The following ZNF404 variants were observed in gnomAD, a reference collection of about 807,000 sequenced individuals.
The protein encoded by ZNF404 is zinc finger protein 404.
In ZNF404, 7 loss-of-function variants were observed where a neutral mutation model predicts 7.3. The observed-to-expected ratio is 0.95, with a 90% CI of 0.54 to 1.79. The LOEUF (loss-of-function observed/expected upper bound fraction) is 1.79, where lower values mean the gene tolerates loss of function less well. Among genes scored for constraint, ZNF404 ranks in the 40% most tolerant of loss-of-function variants. The pLI, the probability that ZNF404 is intolerant of heterozygous loss-of-function variation, is 0.00. For synonymous variants in ZNF404, 191 were observed against 209.9 expected, an observed-to-expected ratio of 0.91 and a Z score of 0.78; for missense variants, 560 against 661.5, an observed-to-expected ratio of 0.85 and a Z score of 1.68.
intron 1 of ZNF404, among the ~76,000 whole-genome samples, chr19:43,883,080 G>A (rs1243835723): frequency 6.6e-6 from 1 of 151,802 alleles, no homozygotes; most frequent in Non-Finnish European, 1.5e-5. Context: ...TATCCTGGGT[G>A]ACAGAGTGAG....
chr19:43,875,238 A>G (rs983023927), intron 2 of ZNF404, among the ~76,000 whole-genome samples: 25 of 152,090 alleles, frequency 1.6e-4, no homozygotes, highest in African/African-American at 6.0e-4. Flanking sequence ...TTCTGTTTCT[A>G]TCTCAATCAA....
In ZNF404 at chr19:43,872,774, T is replaced by C. The variant is rs1971820648; in HGVS notation, c.1440A>G (p.Ser480=). The C allele has an allele frequency of 6.2e-7, 1 of 1,612,028 alleles. No individual in the cohort carries two copies. The highest frequency in any genetic ancestry group is 2.2e-5 in the East Asian group (1 of 44,844). ...KECKKAFRSI[S]GLSQHKRIHT... is the part of the protein sequence containing the mutation. Reference sequence around the variant, plus strand: ...GAATTCTCTTATGTTGAGAAAGACCTGAGATAGAACGAAAGGCCTTCTTAC... The same window carrying C: ...GAATTCTCTTATGTTGAGAAAGACCCGAGATAGAACGAAAGGCCTTCTTAC... The change falls in exon 3 of 3, where the codon TCA becomes TCG. Residue 480 remains serine, a synonymous_variant. Transcript: ENST00000587539. The surrounding 1 kb of genome is among the most constrained non-coding windows in gnomAD (Gnocchi z 4.4).
At chr19:43,883,051 A>G (rs1971909514) in intron 1 of ZNF404, among the ~76,000 whole-genome samples, 1 of 152,040 alleles carries the variant, frequency 6.6e-6, no homozygotes, top group African/African-American at 2.4e-5. Context: ...CAGTGAGCCA[A>G]GATAACGCCA....
intron 2 of ZNF404, among the ~76,000 whole-genome samples, chr19:43,878,324 T>C (rs1599746915): frequency 1.3e-5 from 2 of 151,952 alleles, no homozygotes; most frequent in Admixed American, 6.6e-5. Context: ...TGCATTTCTC[T>C]GATGGCCAGT....
Position 43,872,965 on chromosome 19 carries a change from C to A in ZNF404, c.1249G>T (p.Gly417Trp). ...TCTCCAACACGACTGAAGGCTTTCC[C>A]ACATTGCTTACATTCATATGGCTTC... ...DLKPYECKQC[G>W]KAFSRVGDLK... The change falls in exon 3 of 3, where the codon GGG becomes TGG. Residue 417 changes from glycine to tryptophan, a missense_variant. By Grantham distance (184) the Gly-to-Trp change is radical. Coordinates refer to ENST00000587539, the MANE Select transcript of ZNF404 (RefSeq NM_001033719.3). This position sits in a 1 kb window ranked among gnomAD's most constrained non-coding sequence, Gnocchi z 4.4. 1.9e-6 allele frequency: 3 copies of A among 1,605,482 alleles called. No homozygotes were observed. The highest frequency in any genetic ancestry group is 2.6e-6 in the Non-Finnish European group (3 of 1,175,202).
At chr19:43,883,889 A>C in intron 1 of ZNF404, 67 bp downstream of exon 1, 1 of 1,564,032 alleles carries the variant, frequency 6.4e-7, no homozygotes, top group Non-Finnish European at 8.7e-7. Flanking sequence ...AGGATTAAAA[A>C]AATGAAAATA....
chr19:43,877,773 C>T (rs1370144616), intron 2 of ZNF404, among the ~76,000 whole-genome samples: 1 of 140,308 alleles, frequency 7.1e-6, no homozygotes, highest in African/African-American at 2.6e-5. Flanking sequence ...GTGATGTTCC[C>T]CTTCCTGTGT....
rs370102344 is a variant in ZNF404, at chr19:43,873,586, T to G, written c.628A>C (p.Thr210Pro). ...TTACATTCATAGGGTTTCATACCAGTATGAATTATCTGATGCTGAATAAGC... is the reference window on the plus strand; with the variant it reads ...TTACATTCATAGGGTTTCATACCAGGATGAATTATCTGATGCTGAATAAGC... ...SQLIQHQIIH[T>P]GMKPYECKQC... The change falls in exon 3 of 3, where the codon ACT becomes CCT. Residue 210 changes from threonine to proline, a missense_variant. By Grantham distance (38) the Thr-to-Pro change is conservative. Transcript: ENST00000587539. 46 of 1,613,686 alleles carry G rather than the reference T, an allele frequency of 2.9e-5. No homozygotes were observed. The highest frequency in any genetic ancestry group is 3.6e-5 in the Non-Finnish European group (43 of 1,179,716).
chr19:43,883,925 A>T (rs1568438020), intron 1 of ZNF404, 31 bp downstream of exon 1: 1 of 1,597,816 alleles, frequency 6.3e-7, no homozygotes, highest in Non-Finnish European at 8.5e-7. Context: ...AATCACAATA[A>T]GTCAGAAAAG....
chr19:43,873,661 T>G lies in ZNF404; in HGVS notation c.553A>C (p.Lys185Gln). 6.2e-7 allele frequency: 1 copy of G among 1,613,446 alleles called. No homozygotes were observed. The highest frequency in any genetic ancestry group is 1.7e-4 in the Middle Eastern group (1 of 6,058). Residue 185 changes from lysine (K) to glutamine (Q), a missense_variant, in exon 3 of 3, where the codon AAA becomes CAA. Coordinates refer to ENST00000587539, the MANE Select transcript of ZNF404 (RefSeq NM_001033719.3). Reference protein sequence around the residue: ...IRHRKIHTDLKPYECNGCEKA... With the variant: ...IRHRKIHTDLQPYECNGCEKA... ...TCACATCCATTGCATTCATAGGGTT[T>G]CAAATCAGTGTGGATTTTTCGATGT...
chr19:43,880,142 A>G lies in ZNF404; in HGVS notation c.10-6T>C, dbSNP rs1183112183. 6.9e-6 allele frequency: 11 copies of G among 1,605,456 alleles called. No individual in the cohort carries two copies. Among genetic ancestry groups the G allele is most frequent in the Non-Finnish European group, 9.3e-6 (11 of 1,176,904 alleles). On this transcript the variant is annotated splice_polypyrimidine_tract_variant and splice_region_variant and intron_variant, in intron 1 of 2. Coordinates refer to ENST00000587539, the MANE Select transcript of ZNF404 (RefSeq NM_001033719.3). ...TCGCTGAATGTCAATGGCACCTGAA[A>G]TGACAAACCTGTGTATTATTTGTAA...
chr19:43,879,548 C>A (rs942119937), intron 2 of ZNF404, among the ~76,000 whole-genome samples: 1 of 152,034 alleles, frequency 6.6e-6, no homozygotes, highest in Admixed American at 6.6e-5. Flanking sequence ...ACAAAAATAA[C>A]AGTAAAAAAG....
rs942684049 is a variant in ZNF404, at chr19:43,882,217, T to C, written c.9+1739A>G. ...ATAGACCTACACGTATCTAGACAAC[T>C]GGCTTTAAACAAGTGACTAAAGGCA... On this transcript the variant is annotated intron_variant, in intron 1 of 2. Coordinates refer to ENST00000587539, the MANE Select transcript of ZNF404 (RefSeq NM_001033719.3). Among the ~76,000 whole-genome samples, 9 of 152,156 alleles carry C rather than the reference T, an allele frequency of 5.9e-5. 1 individual carries two copies.
At chr19:43,879,375 G>A (rs1971876907) in intron 2 of ZNF404, among the ~76,000 whole-genome samples, 1 of 152,128 alleles carries the variant, frequency 6.6e-6, no homozygotes, top group Non-Finnish European at 1.5e-5. Flanking sequence ...ATAAGGACAT[G>A]AAAAAGTTGT....
At chr19:43,877,378 A>G (rs1040622942) in intron 2 of ZNF404, among the ~76,000 whole-genome samples, 36 of 152,066 alleles carry the variant, frequency 2.4e-4, no homozygotes, top group Non-Finnish European at 4.6e-4. Context: ...TCTATATACT[A>G]TTTCCCATTA....
chr19:43,876,980 G>T (rs1971853927), intron 2 of ZNF404, among the ~76,000 whole-genome samples: 1 of 152,152 alleles, frequency 6.6e-6, no homozygotes, highest in African/African-American at 2.4e-5. Flanking sequence ...ACACATGATG[G>T]CTAAATGCAA....
At position 43,873,271 on chromosome 19, in the gene ZNF404, C is replaced by CA; in HGVS notation, c.942dup (p.Val315CysfsTer2). The CA allele has an allele frequency of 6.2e-7, 1 of 1,613,536 alleles. No homozygotes were observed. Among genetic ancestry groups the CA allele is most frequent in the Non-Finnish European group, 8.5e-7 (1 of 1,179,656 alleles). ...CCAGTATGACTTCTTTGATGTTCAA[C>CA]AAGTAGATAGCTGCGAACAAAGGCC... is the stretch of plus-strand genomic sequence containing the variant. On this transcript the variant is annotated frameshift_variant, in exon 3 of 3. Coordinates refer to ENST00000587539, the MANE Select transcript of ZNF404 (RefSeq NM_001033719.3). LOFTEE classifies it low-confidence loss of function (END_TRUNC).
At chr19:43,882,399 T>C (rs564535998) in intron 1 of ZNF404, among the ~76,000 whole-genome samples, 1 of 152,162 alleles carries the variant, frequency 6.6e-6, no homozygotes, top group African/African-American at 2.4e-5. Flanking sequence ...AGAGCTTCTA[T>C]GAGAAAACAC....
intron 2 of ZNF404, among the ~76,000 whole-genome samples, chr19:43,875,189 A>G (rs1179269538): frequency 2.0e-5 from 3 of 152,184 alleles, no homozygotes; most frequent in African/African-American, 7.2e-5. Context: ...ACATGCCTCT[A>G]CCACTGGTGT....
Sources: gnomAD v4.1 joint callset for allele counts (sites outside exome capture counted in the v4.1 genomes callset) on GRCh38, gnomAD v4.1.1 for gene constraint, Gnocchi (gnomAD v3.1) non-coding constraint, MANE v1.5 for transcripts, NCBI Gene and HGNC (gene_info 2026-07-23, HGNC 2026-07-21) for gene names.